Variants in CTTN observed in about 807,000 individuals in gnomAD.
CTTN encodes cortactin.
CTTN carries 28 observed loss-of-function variants against 84.0 expected under a neutral mutation model. That is an observed-to-expected ratio of 0.33 (90% CI 0.25 to 0.46). CTTN has a LOEUF of 0.46. CTTN is among the 20% of genes least tolerant of loss of function. The pLI, the probability that CTTN is intolerant of heterozygous loss-of-function variation, is 1.00. For synonymous variants in CTTN, 301 were observed against 288.8 expected, an observed-to-expected ratio of 1.04 and a Z score of -0.43; for missense variants, 641 against 723.8, an observed-to-expected ratio of 0.89 and a Z score of 1.31.
chr11:70,403,915 C>G (rs895678650), intron 1 of CTTN, among the ~76,000 whole-genome samples: 2 of 152,134 alleles, frequency 1.3e-5, no homozygotes, highest in African/African-American at 4.8e-5. Flanking sequence ...GGGTCTCTCT[C>G]TGTCTCCCAG....
At chr11:70,423,330 A>G (rs2058263228) in intron 12 of CTTN, among the ~76,000 whole-genome samples, 1 of 152,072 alleles carries the variant, frequency 6.6e-6, no homozygotes. Flanking sequence ...TTAATAGTAA[A>G]TCAGATTGGA....
In CTTN at chr11:70,422,772, G is replaced by A. The variant is rs1469983657; in HGVS notation, c.902-168G>A. 1.8e-5 allele frequency: 27 copies of A among 1,475,726 alleles called. No homozygotes were observed. The Middle Eastern group carries it at 9.1e-4, about 50-fold the overall frequency. 91.4% of individuals were successfully genotyped at this position (1,475,726 alleles called of 1,614,324 possible). ...TCACTGCCTGTGTCTCACGACCATGGGTGGAAGCAAAACTTGCCTTGCAAG... is the reference window on the plus strand; with the variant it reads ...TCACTGCCTGTGTCTCACGACCATGAGTGGAAGCAAAACTTGCCTTGCAAG... On this transcript the variant is annotated intron_variant, in intron 11 of 17. Transcript: ENST00000301843.
At chr11:70,402,198 A>G (rs1176271137) in intron 1 of CTTN, among the ~76,000 whole-genome samples, 1 of 152,236 alleles carries the variant, frequency 6.6e-6, no homozygotes, top group Non-Finnish European at 1.5e-5. Context: ...CACTCTGTCT[A>G]GACAGCAAGA....
chr11:70,415,861 G>T, intron 7 of CTTN, 144 bp downstream of exon 7: 1 of 744,936 alleles, frequency 1.3e-6, no homozygotes, highest in African/African-American at 1.7e-5. Flanking sequence ...AGCGGTGGCT[G>T]TTGCCACAAG....
At chr11:70,420,792 T>C (rs544294033) in intron 10 of CTTN, among the ~76,000 whole-genome samples, 53 of 141,952 alleles carry the variant, frequency 3.7e-4, no homozygotes, top group African/African-American at 1.3e-3. Flanking sequence ...TACCCAGGAG[T>C]GGGGACATGG....
chr11:70,429,465 G>T (rs1358654227), intron 14 of CTTN, among the ~76,000 whole-genome samples: 2 of 152,206 alleles, frequency 1.3e-5, no homozygotes, highest in Admixed American at 1.3e-4. Context: ...AACCTGCCCT[G>T]CCCTCTGTCC....
Position 70,436,427 on chromosome 11 carries a change from A to C in CTTN, c.*1265A>C, listed in dbSNP as rs1362526885. ...CCCGTGAAGCGTGTTTTTGCTCCTG[A>C]GGTGCATTTTCTCATCATCCTTGCT... On this transcript the variant is annotated 3_prime_UTR_variant, in exon 18 of 18. Coordinates refer to ENST00000301843, the MANE Select transcript of CTTN (RefSeq NM_005231.4). The C allele has an allele frequency of 6.3e-7, 1 of 1,596,260 alleles. No individual in the cohort carries two copies. Among genetic ancestry groups the C allele is most frequent in the East Asian group, 2.2e-5 (1 of 44,840 alleles).
At chr11:70,403,257 C>A (rs190196762) in intron 1 of CTTN, among the ~76,000 whole-genome samples, 2 of 139,264 alleles carry the variant, frequency 1.4e-5, no homozygotes, top group Non-Finnish European at 3.0e-5. Context: ...GGCGCAATCT[C>A]GGCTCACTAC....
intron 1 of CTTN, among the ~76,000 whole-genome samples, chr11:70,401,433 A>G (rs2057978969): frequency 6.6e-6 from 1 of 151,952 alleles, no homozygotes; most frequent in Non-Finnish European, 1.5e-5. Flanking sequence ...CCGAGATCAC[A>G]CTATTGCACT....
At chr11:70,420,034 G>A (rs2058212373) in intron 9 of CTTN, 178 bp downstream of exon 9, 2 of 624,026 alleles carry the variant, frequency 3.2e-6, no homozygotes, top group Non-Finnish European at 2.8e-6. Flanking sequence ...ATAGGAACTC[G>A]CAGCTTGAGT....
At chr11:70,412,385 T>C (rs2058104685) in intron 5 of CTTN, among the ~76,000 whole-genome samples, 2 of 152,104 alleles carry the variant, frequency 1.3e-5, no homozygotes, top group African/African-American at 4.8e-5. Context: ...ATCGCACCAT[T>C]ACAGTCCAGC....
intron 1 of CTTN, among the ~76,000 whole-genome samples, chr11:70,399,003 G>A (rs2057943390): frequency 6.6e-6 from 1 of 150,764 alleles, no homozygotes; most frequent in Non-Finnish European, 1.5e-5. Flanking sequence ...AGGGGTCTTG[G>A]GTCCGAGGGA....
chr11:70,404,004 CTGAG>C lies in CTTN; in HGVS notation c.-97-1259_-97-1256del, dbSNP rs1238510555. Among the ~76,000 whole-genome samples the C allele has an allele frequency of 3.3e-5, 5 of 152,302 alleles. No homozygotes were observed. In the South Asian group the frequency reaches 1.0e-3, roughly 32 times the overall value. Reference sequence around the variant, plus strand: ...CAAGCAGTTCCCCCACCTCAGCCTCCTGAGTAGCTGGGACTACAGGTATACACGA... The same window carrying C: ...CAAGCAGTTCCCCCACCTCAGCCTCCTAGCTGGGACTACAGGTATACACGA... On this transcript the variant is annotated intron_variant, in intron 1 of 17. Coordinates refer to ENST00000301843, the MANE Select transcript of CTTN (RefSeq NM_005231.4).
At chr11:70,412,034 C>T (rs181379836) in intron 5 of CTTN, among the ~76,000 whole-genome samples, 174 of 152,010 alleles carry the variant, frequency 1.1e-3, no homozygotes, top group African/African-American at 4.1e-3. Context: ...CCTAGCAGGG[C>T]GAGTCCAGCA....
Position 70,429,034 on chromosome 11 carries a change from C to T in CTTN, c.1028-17C>T. On this transcript the variant is annotated splice_polypyrimidine_tract_variant and intron_variant, in intron 13 of 17. Transcript: ENST00000301843. ...TTGCTGTGCTCAAGGCACACGTCCTCCCTCCTTCCTCTATAGTGACCAGCA... is the reference window on the plus strand; with the variant it reads ...TTGCTGTGCTCAAGGCACACGTCCTTCCTCCTTCCTCTATAGTGACCAGCA... The T allele has an allele frequency of 6.2e-7, 1 of 1,613,938 alleles. No individual in the cohort carries two copies. The highest frequency in any genetic ancestry group is 2.2e-5 in the East Asian group (1 of 44,872).
At chr11:70,415,573 T>A in intron 6 of CTTN, 90 bp from the exon 7 acceptor site, 1 of 1,209,018 alleles carries the variant, frequency 8.3e-7, no homozygotes, top group Non-Finnish European at 1.2e-6. Context: ...CATATTTTTT[T>A]AAATGTCATG....
rs533689458 is a variant in CTTN at position 70,420,282 on chromosome 11, G to T, written c.680-118G>T. On this transcript the variant is annotated intron_variant, in intron 9 of 17. Coordinates refer to ENST00000301843, the MANE Select transcript of CTTN (RefSeq NM_005231.4). ...TTATCTAAAGTATTACCAAAGATCC[G>T]GAAGGGAAGAGTAGATTGAGTGAAT... is the stretch of plus-strand genomic sequence containing the variant. 110 of 722,730 alleles carry T rather than the reference G, an allele frequency of 1.5e-4. 1 individual carries two copies. Among genetic ancestry groups the T allele is most frequent in the African/African-American group, 1.5e-3 (86 of 57,640 alleles). The allele number at this position is 722,730 out of a possible 1,614,324, so 44.8% of individuals were successfully genotyped here. A position where few individuals can be genotyped will look rare whatever the true frequency, so the allele number is the denominator to read the frequency against.
rs571028124 is a variant in CTTN, at chr11:70,435,743, A to G, written c.*581A>G. 3.1e-6 allele frequency: 5 copies of G among 1,597,588 alleles called. No individual in the cohort carries two copies. The African/African-American group carries it at 5.3e-5, about 17-fold the overall frequency. ...TCATACCGTGACAGCCCGCAGGATC[A>G]GGTGACTTCTAGCAGAGACCCTGGT... On this transcript the variant is annotated 3_prime_UTR_variant, in exon 18 of 18. Coordinates refer to ENST00000301843, the MANE Select transcript of CTTN (RefSeq NM_005231.4).
chr11:70,434,178 C>T (rs1356710820), intron 17 of CTTN, among the ~76,000 whole-genome samples: 2 of 152,240 alleles, frequency 1.3e-5, no homozygotes, highest in Non-Finnish European at 2.9e-5. Flanking sequence ...AGTTTAAGAG[C>T]AGCCTCAGCT....
Sources: allele counts gnomAD v4.1 joint callset (sites outside exome capture counted in the v4.1 genomes callset), GRCh38; gene constraint gnomAD v4.1.1; transcripts MANE v1.5; gene names NCBI Gene and HGNC (gene_info 2026-07-23, HGNC 2026-07-21).